NTRK3: variants seen among roughly 807,000 people sequenced by gnomAD.
NTRK3 encodes the protein NT-3 growth factor receptor.
Under a neutral mutation model 91.7 loss-of-function variants are expected in NTRK3, and 24 were observed. The observed-to-expected ratio is 0.26, with a 90% CI of 0.19 to 0.37. The LOEUF is 0.37. Among genes scored for constraint, NTRK3 ranks in the 10% least tolerant of loss-of-function variants. NTRK3 has a pLI of 1.00. For synonymous variants in NTRK3, 483 were observed against 404.0 expected (o/e 1.20, Z -2.34); for missense variants, 880 against 1,068.9 (o/e 0.82, Z 2.46).
intron 5 of NTRK3, among the ~76,000 whole-genome samples, chr15:88,155,152 T>C (rs1012320551): frequency 4.6e-5 from 7 of 152,206 alleles, no homozygotes; most frequent in African/African-American, 1.4e-4. Flanking sequence ...ATTAAGCATA[T>C]AGACCTTGAG....
chr15:87,982,671 G>T (rs1360620669), intron 14 of NTRK3, among the ~76,000 whole-genome samples: 1 of 152,202 alleles, frequency 6.6e-6, no homozygotes, highest in African/African-American at 2.4e-5. Context: ...GCACCCATAC[G>T]ATTGGATGAG....
At chr15:88,093,024 T>C (rs2049172005) in intron 13 of NTRK3, among the ~76,000 whole-genome samples, 1 of 151,982 alleles carries the variant, frequency 6.6e-6, no homozygotes, top group Non-Finnish European at 1.5e-5. Flanking sequence ...ACCTGATTTT[T>C]TGTTTCTGGT....
rs1272072303 is a variant in NTRK3, at chr15:87,978,211, T to C, written c.1586-37458A>G. ...TCTCCTCAGTGGATCAAGTTGAAAA[T>C]GGGGGAAGCGAGCCCCCTCTTTGGG... On this transcript the variant is annotated intron_variant, in intron 14 of 18. Transcript: ENST00000394480. 8 of 229,962 alleles carry C rather than the reference T, an allele frequency of 3.5e-5. No homozygotes were observed. The Admixed American group carries it at 4.5e-4, about 13-fold the overall frequency. The allele number at this position is 229,962 out of a possible 1,614,324, so 14.2% of individuals were successfully genotyped here.
intron 13 of NTRK3, among the ~76,000 whole-genome samples, chr15:88,042,193 G>C (rs2079695596): frequency 1.3e-5 from 2 of 152,168 alleles, no homozygotes; most frequent in Non-Finnish European, 2.9e-5. Flanking sequence ...ATAAGTGGAA[G>C]CACAACAAAC....
chr15:88,218,744 T>C (rs1157856117), intron 3 of NTRK3, among the ~76,000 whole-genome samples: 1 of 152,206 alleles, frequency 6.6e-6, no homozygotes, highest in East Asian at 1.9e-4. Context: ...AGCTCAATGA[T>C]GTCATCACCA....
At chr15:87,925,365 A>C (rs1225952068) in intron 17 of NTRK3, among the ~76,000 whole-genome samples, 1 of 151,720 alleles carries the variant, frequency 6.6e-6, no homozygotes, top group Non-Finnish European at 1.5e-5. Context: ...TATAAGGAGG[A>C]GTTTATCTCC....
chr15:87,904,720 T>G (rs1470605521), intron 17 of NTRK3, among the ~76,000 whole-genome samples: 1 of 152,328 alleles, frequency 6.6e-6, no homozygotes, highest in South Asian at 2.1e-4. Flanking sequence ...GCGGCCCATA[T>G]GTAACCAGAA....
exon 5 of NTRK3, chr15:88,183,425 G>A (rs1222707412): frequency 4.3e-6 from 7 of 1,613,778 alleles, no homozygotes; most frequent in South Asian, 1.1e-5. Flanking sequence ...CACATATAAC[G>A]CAAATGGGGG....
chr15:88,256,728 A>T, exon 1 of NTRK3: 1 of 350,066 alleles, frequency 2.9e-6, no homozygotes, highest in East Asian at 4.2e-5. Flanking sequence ...GGCTGCAGAA[A>T]TGTACAAGTG....
chr15:88,116,907 A>G (rs2052154046), intron 13 of NTRK3, among the ~76,000 whole-genome samples: 1 of 152,196 alleles, frequency 6.6e-6, no homozygotes, highest in Non-Finnish European at 1.5e-5. Flanking sequence ...TATGGGGTAA[A>G]CCCTAGGCAA....
intron 3 of NTRK3, among the ~76,000 whole-genome samples, chr15:88,218,027 T>G (rs1055265704): frequency 1.3e-5 from 2 of 152,172 alleles, no homozygotes; most frequent in Admixed American, 6.5e-5. Flanking sequence ...GTCGCTGTCT[T>G]GGACGAACAC....
intron 13 of NTRK3, among the ~76,000 whole-genome samples, chr15:88,119,256 C>T (rs1425045000): frequency 1.3e-5 from 2 of 152,186 alleles, no homozygotes; most frequent in African/African-American, 4.8e-5. Flanking sequence ...AAGCTCCAAG[C>T]ACCACATTCT....
At chr15:88,150,078 C>G (rs1457606303) in intron 5 of NTRK3, among the ~76,000 whole-genome samples, 1 of 152,184 alleles carries the variant, frequency 6.6e-6, no homozygotes, top group Non-Finnish European at 1.5e-5. Context: ...TGAAGCTGAG[C>G]AGCTGCATCC....
In NTRK3 at chr15:88,184,318, G is replaced by C. The variant is rs200401417; in HGVS notation, c.249-19C>G. 1.2e-5 allele frequency: 20 copies of C among 1,613,200 alleles called. No homozygotes were observed. In the East Asian group the frequency reaches 4.5e-4, roughly 36 times the overall value. ...TATGTGTCTGCAGGGGAGGAGGAAA[G>C]GTAACGGTCAGCCAGAAGCAACAGA... On this transcript the variant is annotated intron_variant, in intron 3 of 18. Coordinates refer to ENST00000394480, the Ensembl canonical transcript of NTRK3.
intron 3 of NTRK3, among the ~76,000 whole-genome samples, chr15:88,210,508 T>C (rs1171603152): frequency 6.6e-6 from 1 of 152,212 alleles, no homozygotes; most frequent in African/African-American, 2.4e-5. Context: ...CTTTGCACCA[T>C]GATGGTTTGG....
chr15:87,885,696 C>A, intron 17 of NTRK3: 1 of 1,395,042 alleles, frequency 7.2e-7, no homozygotes, highest in Non-Finnish European at 9.6e-7. Flanking sequence ...ATACCTACCT[C>A]ACACCATATA....
At chr15:87,875,086 A>T (rs913386752) in exon 19 of NTRK3, 3 of 230,618 alleles carry the variant, frequency 1.3e-5, no homozygotes, top group African/African-American at 4.4e-5. Context: ...ATAATTCAGT[A>T]CTAAACCCCA....
At chr15:88,139,933 T>TGGGGGGGGGGGGGGGGGGGGGGG (rs1567509324) in intron 6 of NTRK3, among the ~76,000 whole-genome samples, 1 of 20,096 alleles carries the variant, frequency 5.0e-5, no homozygotes, top group African/African-American at 1.8e-4. Flanking sequence ...AGGGGGGGAG[T>TGGGGGGGGGGGGGGGGGGGGGGG]GTGGGGGGTG....
chr15:88,085,144 C>T (rs1476630701), intron 13 of NTRK3, among the ~76,000 whole-genome samples: 1 of 152,192 alleles, frequency 6.6e-6, no homozygotes, highest in Non-Finnish European at 1.5e-5. Flanking sequence ...AAATCCCTGA[C>T]CCACCTTTCT....
Sources: allele counts gnomAD v4.1 joint callset (sites outside exome capture counted in the v4.1 genomes callset), GRCh38; gene constraint gnomAD v4.1.1; transcripts MANE v1.5; gene names NCBI Gene and HGNC (gene_info 2026-07-23, HGNC 2026-07-21).